ZEB1: variants seen among roughly 807,000 people sequenced by gnomAD.
ZEB1 encodes the protein zinc finger E-box-binding homeobox 1.
A neutral mutation model predicts 84.9 loss-of-function variants in ZEB1; 21 were observed. That is an observed-to-expected ratio of 0.25 (90% CI 0.18 to 0.36). ZEB1 has a LOEUF of 0.36. Among genes scored for constraint, ZEB1 ranks in the 10% least tolerant of loss-of-function variants. ZEB1 has a pLI of 1.00. For missense variants in ZEB1, 1,104 were observed against 1,330.2 expected (o/e 0.83, Z 2.65); for synonymous variants, 420 against 471.1 (o/e 0.89, Z 1.41).
At chr10:31,325,736 T>C (rs1428723382) in intron 1 of ZEB1, among the ~76,000 whole-genome samples, 1 of 152,054 alleles carries the variant, frequency 6.6e-6, no homozygotes, top group Non-Finnish European at 1.5e-5. Context: ...TTTTTATTGT[T>C]TTATTCTATA....
chr10:31,402,319 A>G (rs1198113033), intron 1 of ZEB1, among the ~76,000 whole-genome samples: 1 of 152,118 alleles, frequency 6.6e-6, no homozygotes, highest in African/African-American at 2.4e-5. Flanking sequence ...TGTAAAATAA[A>G]TGTTTGTCTA....
At chr10:31,478,730 A>G (rs2064626836) in intron 2 of ZEB1, among the ~76,000 whole-genome samples, 1 of 151,946 alleles carries the variant, frequency 6.6e-6, no homozygotes. Context: ...GCTGGAGGCC[A>G]TTATACTAAG....
At chr10:31,341,576 G>A (rs201037668) in intron 1 of ZEB1, among the ~76,000 whole-genome samples, 1 of 152,096 alleles carries the variant, frequency 6.6e-6, no homozygotes, top group East Asian at 1.9e-4. Flanking sequence ...TGATGCTGTG[G>A]GATATAGATG....
chr10:31,409,386 C>A lies in ZEB1; in HGVS notation c.59-51651C>A, dbSNP rs565412223. On this transcript the variant is annotated intron_variant, in intron 1 of 8. Transcript: ENST00000424869. ...AGAAATGGTCTATATGTTTTGATAC[C>A]AGTACCATGCTGTTTTGGTTACTGT... 2.0e-5 allele frequency among the ~76,000 whole-genome samples: 3 copies of A among 152,298 alleles called. No homozygotes were observed. In the East Asian group the frequency reaches 5.8e-4, roughly 29 times the overall value.
At chr10:31,507,060 A>T (rs1565156034) in intron 4 of ZEB1, among the ~76,000 whole-genome samples, 1 of 152,102 alleles carries the variant, frequency 6.6e-6, no homozygotes, top group African/African-American at 2.4e-5. Flanking sequence ...TTTAGGAAAG[A>T]CTTTATTTCT....
chr10:31,498,621 A>G (rs1024220619), intron 3 of ZEB1, among the ~76,000 whole-genome samples: 1 of 152,030 alleles, frequency 6.6e-6, no homozygotes, highest in Non-Finnish European at 1.5e-5. Context: ...CTGTCTCACA[A>G]ATTTCTTAAT....
intron 1 of ZEB1, among the ~76,000 whole-genome samples, chr10:31,351,007 A>G (rs10826942): frequency 0.047 from 7,161 of 152,176 alleles, 387 homozygotes; most frequent in African/African-American, 0.12. Context: ...CTTTCTCTTC[A>G]GTTCCCTTCT....
intron 2 of ZEB1, among the ~76,000 whole-genome samples, chr10:31,469,885 C>G (rs954656303): frequency 1.3e-5 from 2 of 152,214 alleles, no homozygotes; most frequent in African/African-American, 4.8e-5. Flanking sequence ...TAGACTGCCT[C>G]CTCAAGTGGG....
chr10:31,435,789 A>G (rs2058226267), intron 1 of ZEB1, among the ~76,000 whole-genome samples: 4 of 152,236 alleles, frequency 2.6e-5, no homozygotes, highest in African/African-American at 4.8e-5. Flanking sequence ...AAAGGTTTTA[A>G]GAAGGAGAGT....
chr10:31,399,115 C>G (rs2051401019), intron 1 of ZEB1, among the ~76,000 whole-genome samples: 1 of 151,998 alleles, frequency 6.6e-6, no homozygotes, highest in Non-Finnish European at 1.5e-5. Context: ...CTGCCTCAGC[C>G]TCCCATGTAG....
chr10:31,444,572 T>C (rs1489394242), intron 1 of ZEB1, among the ~76,000 whole-genome samples: 1 of 151,448 alleles, frequency 6.6e-6, no homozygotes, highest in Non-Finnish European at 1.5e-5. Context: ...CTTTAATCCA[T>C]CTTGAATTGA....
chr10:31,448,128 C>G (rs1266980873), intron 1 of ZEB1, among the ~76,000 whole-genome samples: 39 of 143,942 alleles, frequency 2.7e-4, no homozygotes, highest in East Asian at 1.6e-3. Context: ...ATTCTTTTTT[C>G]TCTAAACTTC....
intron 6 of ZEB1, among the ~76,000 whole-genome samples, chr10:31,519,052 G>T (rs1388137563): frequency 6.6e-6 from 1 of 152,100 alleles, no homozygotes; most frequent in Non-Finnish European, 1.5e-5. Flanking sequence ...AGACAAATCA[G>T]TGTCATCACA....
intron 4 of ZEB1, 76 bp from the exon 5 acceptor site, chr10:31,510,597 C>A: frequency 8.4e-7 from 1 of 1,189,828 alleles, no homozygotes; most frequent in Non-Finnish European, 1.2e-6. Flanking sequence ...TGGAACATAG[C>A]ATAGGGACTC....
intron 2 of ZEB1, among the ~76,000 whole-genome samples, chr10:31,464,569 T>C (rs977008057): frequency 3.3e-5 from 5 of 152,200 alleles, no homozygotes; most frequent in Admixed American, 1.3e-4. Flanking sequence ...GTCCAATAGA[T>C]TGAACATAAA....
chr10:31,486,272 A>G (rs2065753471), intron 2 of ZEB1, among the ~76,000 whole-genome samples: 1 of 151,720 alleles, frequency 6.6e-6, no homozygotes, highest in East Asian at 1.9e-4. Context: ...GCTGCATAAT[A>G]TGTTGTATAT....
intron 2 of ZEB1, among the ~76,000 whole-genome samples, chr10:31,483,663 G>C (rs2065352189): frequency 1.3e-5 from 2 of 151,822 alleles, no homozygotes; most frequent in Admixed American, 1.3e-4. Flanking sequence ...AAGTAAAACA[G>C]CAAAAAGAAA....
intron 1 of ZEB1, among the ~76,000 whole-genome samples, chr10:31,441,112 CA>C (rs1397660070): frequency 6.6e-6 from 1 of 152,066 alleles, no homozygotes; most frequent in East Asian, 1.9e-4. Context: ...AATCCTAAGC[CA>C]AAAGAACAAA....
chr10:31,523,603 A>T (rs1383791912), intron 7 of ZEB1, among the ~76,000 whole-genome samples: 1 of 152,252 alleles, frequency 6.6e-6, no homozygotes, highest in African/African-American at 2.4e-5. Flanking sequence ...GTAATGATTC[A>T]CATGAAACTA....
Sources: allele counts gnomAD v4.1 joint callset (sites outside exome capture counted in the v4.1 genomes callset), GRCh38; gene constraint gnomAD v4.1.1; transcripts MANE v1.5; gene names NCBI Gene and HGNC (gene_info 2026-07-23, HGNC 2026-07-21).